The following DLGAP1 variants were observed in gnomAD, a reference collection of about 807,000 sequenced individuals.
DLGAP1 encodes the protein disks large-associated protein 1.
Under a neutral mutation model 90.8 loss-of-function variants are expected in DLGAP1, and 11 were observed. The observed-to-expected ratio is 0.12, with a 90% CI of 0.08 to 0.20. DLGAP1 has a LOEUF of 0.20. Ranked by LOEUF, DLGAP1 falls within the 10% of genes least tolerant of loss-of-function variation. The pLI is 1.00. For missense variants in DLGAP1, 1,050 were observed against 1,333.8 expected, an observed-to-expected ratio of 0.79 and a Z score of 3.31; for synonymous variants, 558 against 540.7, an observed-to-expected ratio of 1.03 and a Z score of -0.44.
chr18:3,937,750 T>C (rs1168713820), intron 3 of DLGAP1, among the ~76,000 whole-genome samples: 1 of 152,208 alleles, frequency 6.6e-6, no homozygotes, highest in Non-Finnish European at 1.5e-5. Flanking sequence ...ATCAGACACC[T>C]ACTCAGAGCC....
intron 2 of DLGAP1, among the ~76,000 whole-genome samples, chr18:4,089,819 G>A (rs968789234): frequency 6.6e-6 from 1 of 152,186 alleles, no homozygotes; most frequent in African/African-American, 2.4e-5. Flanking sequence ...GCCGAGGCGG[G>A]CGGATCACGA....
chr18:3,522,791 C>T (rs1469740605), intron 10 of DLGAP1, among the ~76,000 whole-genome samples: 1 of 152,052 alleles, frequency 6.6e-6, no homozygotes, highest in Non-Finnish European at 1.5e-5. Context: ...GATCTGCCCA[C>T]CTCGGCCTTC....
At chr18:3,845,632 G>C (rs1278779774) in intron 4 of DLGAP1, 1 of 984,796 alleles carries the variant, frequency 1.0e-6, no homozygotes, top group African/African-American at 1.7e-5. Context: ...TAAATTCTGG[G>C]CTATTGATCA....
chr18:4,003,562 G>A (rs1207554971), intron 3 of DLGAP1, among the ~76,000 whole-genome samples: 2 of 151,556 alleles, frequency 1.3e-5, no homozygotes, highest in Non-Finnish European at 2.9e-5. Context: ...CATTTTACAG[G>A]TAGAGATAAA....
At chr18:4,248,543 G>C (rs1383557975) in intron 1 of DLGAP1, 1 of 152,166 alleles carries the variant, frequency 6.6e-6, no homozygotes, top group Non-Finnish European at 1.5e-5. Flanking sequence ...GGGGGAAAGG[G>C]GAGACATTTA....
chr18:3,559,764 A>G (rs1487161103), intron 9 of DLGAP1, among the ~76,000 whole-genome samples: 1 of 151,522 alleles, frequency 6.6e-6, no homozygotes, highest in Admixed American at 6.6e-5. Flanking sequence ...CTGGGACTAT[A>G]GGCAAGTGCC....
intron 7 of DLGAP1, among the ~76,000 whole-genome samples, chr18:3,613,214 A>G (rs552786296): frequency 2.0e-5 from 3 of 152,324 alleles, no homozygotes; most frequent in African/African-American, 7.2e-5. Context: ...TTTTCAGGTT[A>G]CATGAATTGT....
intron 1 of DLGAP1, among the ~76,000 whole-genome samples, chr18:4,196,929 T>C (rs1287561823): frequency 6.6e-6 from 1 of 151,412 alleles, no homozygotes. Context: ...TCCCAGCACT[T>C]TGGGAGGCCG....
rs1478073453 is a variant in DLGAP1, at chr18:3,609,779, CG to C, written c.1592-27532del. On this transcript the variant is annotated intron_variant, in intron 7 of 12. Coordinates refer to ENST00000315677, the MANE Select transcript of DLGAP1 (RefSeq NM_004746.4). ...CAAATATGAAAACCATCTCGGAGGC[CG>C]GGCGCGGTGGCTCACGCCTTTAATC... 2.0e-5 allele frequency among the ~76,000 whole-genome samples: 3 copies of C among 151,556 alleles called. No homozygotes were observed. The East Asian group carries it at 5.8e-4, about 30-fold the overall frequency.
intron 1 of DLGAP1, among the ~76,000 whole-genome samples, chr18:4,395,782 C>T (rs1814178466): frequency 1.3e-5 from 2 of 152,210 alleles, no homozygotes; most frequent in African/African-American, 4.8e-5. Context: ...ACATGCTATA[C>T]AGCCTTGCTG....
intron 3 of DLGAP1, among the ~76,000 whole-genome samples, chr18:3,958,649 G>C (rs2073132850): frequency 6.7e-6 from 1 of 148,986 alleles, no homozygotes; most frequent in Admixed American, 6.7e-5. Context: ...AGGCTTTGTG[G>C]CAGGTTTTCT....
chr18:3,922,361 C>A (rs1042339868), intron 3 of DLGAP1, among the ~76,000 whole-genome samples: 2 of 152,192 alleles, frequency 1.3e-5, no homozygotes, highest in Non-Finnish European at 2.9e-5. Flanking sequence ...GATATGAAGT[C>A]TTTACCCCTG....
At chr18:4,288,449 G>C (rs189213089) in intron 1 of DLGAP1, among the ~76,000 whole-genome samples, 1 of 152,114 alleles carries the variant, frequency 6.6e-6, no homozygotes, top group Non-Finnish European at 1.5e-5. Context: ...TTATATGTTC[G>C]TTTCTTCAAA....
intron 3 of DLGAP1, among the ~76,000 whole-genome samples, chr18:3,907,035 A>G (rs115835354): frequency 0.031 from 4,662 of 152,316 alleles, 233 homozygotes; most frequent in African/African-American, 0.11. Flanking sequence ...TAATCTAGAG[A>G]TGATTTAAAG....
At position 3,517,341 on chromosome 18, in the gene DLGAP1, A is replaced by G. The variant is rs1028189721; in HGVS notation, c.2480-8680T>C. Among the ~76,000 whole-genome samples the G allele has an allele frequency of 6.6e-6, 1 of 152,224 alleles. No homozygotes were observed. Among genetic ancestry groups the G allele is most frequent in the Admixed American group, 6.5e-5 (1 of 15,282 alleles). On this transcript the variant is annotated intron_variant, in intron 10 of 12. Transcript: ENST00000315677. The surrounding 1 kb of genome is among the most constrained non-coding windows in gnomAD (Gnocchi z 4.1). Reference sequence around the variant, plus strand: ...TGAAAATCTGTTGTTTAGTGTAATCATCTTCATCAATGATCTTAGCTAGAT... The same window carrying G: ...TGAAAATCTGTTGTTTAGTGTAATCGTCTTCATCAATGATCTTAGCTAGAT...
intron 1 of DLGAP1, among the ~76,000 whole-genome samples, chr18:4,358,262 AATAAG>A (rs1168067626): frequency 6.6e-5 from 10 of 152,266 alleles, no homozygotes; most frequent in Non-Finnish European, 1.5e-4. Context: ...AATCTAATAA[AATAAG>A]ATGATAAATG....
At chr18:3,670,398 T>C (rs1003603975) in intron 7 of DLGAP1, among the ~76,000 whole-genome samples, 1 of 152,114 alleles carries the variant, frequency 6.6e-6, no homozygotes, top group Non-Finnish European at 1.5e-5. Context: ...GAACACTTTT[T>C]GACTTCCTGG....
At chr18:3,688,079 G>T (rs2060763458) in intron 7 of DLGAP1, among the ~76,000 whole-genome samples, 1 of 151,896 alleles carries the variant, frequency 6.6e-6, no homozygotes, top group South Asian at 2.1e-4. Context: ...GCTAATTTTT[G>T]TATTTTGTTT....
chr18:4,335,580 G>T (rs2143784284), intron 1 of DLGAP1, among the ~76,000 whole-genome samples: 1 of 149,702 alleles, frequency 6.7e-6, no homozygotes, highest in African/African-American at 2.6e-5. Context: ...CCTGGCTCTG[G>T]AAAAGGAAGG....
Sources: allele counts gnomAD v4.1 joint callset (sites outside exome capture counted in the v4.1 genomes callset), GRCh38; gene constraint gnomAD v4.1.1; non-coding constraint Gnocchi (gnomAD v3.1); transcripts MANE v1.5; gene names NCBI Gene and HGNC (gene_info 2026-07-23, HGNC 2026-07-21).